The following JAZF1 variants were observed in gnomAD, a reference collection of about 807,000 sequenced individuals.
JAZF1 encodes the protein JAZF zinc finger 1.
Under a neutral mutation model 26.4 loss-of-function variants are expected in JAZF1, and 8 were observed. The observed-to-expected ratio is 0.30, with a 90% CI of 0.18 to 0.55. The LOEUF is 0.55. Ranked by LOEUF, JAZF1 falls within the 20% of genes least tolerant of loss-of-function variation. The pLI, the probability that JAZF1 is intolerant of heterozygous loss-of-function variation, is 0.94. For missense variants in JAZF1, 199 were observed against 322.0 expected, an observed-to-expected ratio of 0.62 and a Z score of 2.92; for synonymous variants, 126 against 122.3, an observed-to-expected ratio of 1.03 and a Z score of -0.20.
intron 1 of JAZF1, among the ~76,000 whole-genome samples, chr7:28,113,158 C>T (rs1346502440): frequency 2.0e-5 from 3 of 152,296 alleles, no homozygotes; most frequent in Non-Finnish European, 4.4e-5. Context: ...CCTGTTGAAT[C>T]GGTATCCTAC....
chr7:27,974,249 C>G (rs191380584), intron 2 of JAZF1, among the ~76,000 whole-genome samples: 1 of 152,034 alleles, frequency 6.6e-6, no homozygotes. Context: ...CTCTCCACAT[C>G]GGTTAACAGC....
At chr7:27,968,570 T>C (rs1160311553) in intron 2 of JAZF1, among the ~76,000 whole-genome samples, 2 of 152,232 alleles carry the variant, frequency 1.3e-5, no homozygotes, top group African/African-American at 4.8e-5. Flanking sequence ...AAATAAGACC[T>C]TGATGTCTTA....
chr7:27,958,450 C>A (rs1286235789), intron 2 of JAZF1, among the ~76,000 whole-genome samples: 1 of 152,210 alleles, frequency 6.6e-6, no homozygotes, highest in Non-Finnish European at 1.5e-5. Flanking sequence ...AGGACTCAAC[C>A]TCCATGAAGT....
At chr7:28,098,319 C>A (rs892127322) in intron 1 of JAZF1, among the ~76,000 whole-genome samples, 2 of 152,112 alleles carry the variant, frequency 1.3e-5, no homozygotes, top group Non-Finnish European at 2.9e-5. Context: ...TCAGATTCCC[C>A]AGCCTCCAGA....
intron 1 of JAZF1, among the ~76,000 whole-genome samples, chr7:28,019,340 G>T (rs576875734): frequency 6.6e-6 from 1 of 152,150 alleles, no homozygotes; most frequent in Non-Finnish European, 1.5e-5. Context: ...GTGTCTGGGG[G>T]ACAAAGGCAC....
intron 1 of JAZF1, among the ~76,000 whole-genome samples, chr7:28,154,396 T>C (rs978143456): frequency 7.9e-5 from 12 of 152,188 alleles, no homozygotes; most frequent in African/African-American, 2.9e-4. Flanking sequence ...CTAATGACTC[T>C]TCTAGTACTT....
In JAZF1 at chr7:27,933,159, T is replaced by A. The variant is rs557066653; in HGVS notation, c.189-37743A>T. On this transcript the variant is annotated intron_variant, in intron 2 of 4. Transcript: ENST00000283928. ...CAGGACAAAGATGATTAAACATTTTTAAAATAATGCTCTGAAATTAGGGGT... is the reference window on the plus strand; with the variant it reads ...CAGGACAAAGATGATTAAACATTTTAAAAATAATGCTCTGAAATTAGGGGT... 5.3e-5 allele frequency among the ~76,000 whole-genome samples: 8 copies of A among 152,312 alleles called. No homozygotes were observed. In the East Asian group the frequency reaches 9.6e-4, roughly 18 times the overall value.
chr7:28,122,390 T>C (rs1364280769), intron 1 of JAZF1, among the ~76,000 whole-genome samples: 1 of 152,180 alleles, frequency 6.6e-6, no homozygotes, highest in Non-Finnish European at 1.5e-5. Flanking sequence ...CATCTGAACC[T>C]TGTTTTCCAG....
At chr7:27,844,410 A>G (rs1283844913) in intron 3 of JAZF1, 1 of 152,180 alleles carries the variant, frequency 6.6e-6, no homozygotes, top group Non-Finnish European at 1.5e-5. Context: ...TCACTGCAGA[A>G]TGAACAAATC....
chr7:27,868,941 C>T (rs1326454497), intron 3 of JAZF1, among the ~76,000 whole-genome samples: 1 of 152,180 alleles, frequency 6.6e-6, no homozygotes, highest in African/African-American at 2.4e-5. Flanking sequence ...CGATATTTTT[C>T]TTCCCCAGAA....
intron 3 of JAZF1, among the ~76,000 whole-genome samples, chr7:27,869,077 T>C (rs1047093363): frequency 6.6e-6 from 1 of 152,252 alleles, no homozygotes; most frequent in Admixed American, 6.5e-5. Flanking sequence ...TGCAAACTTC[T>C]CTGCATGTTC....
chr7:27,988,338 C>T (rs2128364363), intron 2 of JAZF1, among the ~76,000 whole-genome samples: 1 of 151,934 alleles, frequency 6.6e-6, no homozygotes, highest in South Asian at 2.1e-4. Flanking sequence ...AATCTGTACC[C>T]ACATCTCTAC....
intron 1 of JAZF1, among the ~76,000 whole-genome samples, chr7:28,174,993 T>C (rs570180839): frequency 1.5e-5 from 1 of 67,378 alleles, no homozygotes; most frequent in Admixed American, 1.8e-4. Context: ...CATTCATTTA[T>C]TAATTCAGTC....
intron 1 of JAZF1, among the ~76,000 whole-genome samples, chr7:28,129,508 T>C (rs962712024): frequency 6.6e-6 from 1 of 152,122 alleles, no homozygotes. Flanking sequence ...CTTATCTACA[T>C]GGTAACTTTT....
intron 1 of JAZF1, among the ~76,000 whole-genome samples, chr7:28,118,541 T>C (rs1310875375): frequency 6.6e-6 from 1 of 152,128 alleles, no homozygotes; most frequent in South Asian, 2.1e-4. Context: ...GATCTAACGT[T>C]CCCAATTATT....
intron 2 of JAZF1, among the ~76,000 whole-genome samples, chr7:27,976,238 C>T (rs760384730): frequency 4.7e-5 from 7 of 149,076 alleles, no homozygotes; most frequent in South Asian, 2.2e-4. Context: ...CCCAGCTACT[C>T]GGGAGGCTGA....
intron 1 of JAZF1, among the ~76,000 whole-genome samples, chr7:28,105,002 A>C (rs1784529224): frequency 6.6e-6 from 1 of 152,152 alleles, no homozygotes; most frequent in Non-Finnish European, 1.5e-5. Flanking sequence ...CTCTCAATAG[A>C]CAATAGCTTG....
intron 3 of JAZF1, among the ~76,000 whole-genome samples, chr7:27,866,477 T>C (rs1783475556): frequency 6.6e-6 from 1 of 152,238 alleles, no homozygotes; most frequent in Non-Finnish European, 1.5e-5. Flanking sequence ...ATCTGTAAAA[T>C]GGAAGTAATA....
At chr7:27,895,188 C>G in intron 3 of JAZF1, 32 bp downstream of exon 3, 2 of 1,454,102 alleles carry the variant, frequency 1.4e-6, no homozygotes, top group South Asian at 1.3e-5. Flanking sequence ...CCCCTCTCCT[C>G]CTTCTCAAGG....
Sources: allele counts gnomAD v4.1 joint callset (sites outside exome capture counted in the v4.1 genomes callset), GRCh38; gene constraint gnomAD v4.1.1; transcripts MANE v1.5; gene names NCBI Gene and HGNC (gene_info 2026-07-23, HGNC 2026-07-21).